CBX6: variants seen among roughly 807,000 people sequenced by gnomAD.
CBX6 encodes the protein chromobox 6.
CBX6 carries 7 observed loss-of-function variants against 28.4 expected under a neutral mutation model. That is an observed-to-expected ratio of 0.25 (90% CI 0.14 to 0.46). The LOEUF (loss-of-function observed/expected upper bound fraction) is 0.46. Ranked by LOEUF, CBX6 falls within the 20% of genes least tolerant of loss-of-function variation. The probability of loss-of-function intolerance (pLI) is 0.99; values close to 1 mark genes in which losing one functional copy is unlikely to be tolerated. For missense variants in CBX6, 512 were observed against 606.1 expected (o/e 0.84, Z 1.63); for synonymous variants, 297 against 273.4 (o/e 1.09, Z -0.85).
rs766644076 is a variant in CBX6, at chr22:38,871,451, G to A, written c.246+29C>T. On this transcript the variant is annotated intron_variant, in intron 4 of 4. Transcript: ENST00000407418. This position sits in a 1 kb window ranked among gnomAD's most constrained non-coding sequence, Gnocchi z 5.6. ...GTGCCGGGGCTGGGGGCCCGAGAGGGGGATGCTGCTGGGGCTGGGCCAGGT... is the reference window on the plus strand; with the variant it reads ...GTGCCGGGGCTGGGGGCCCGAGAGGAGGATGCTGCTGGGGCTGGGCCAGGT... 8 of 1,588,352 alleles carry A rather than the reference G, an allele frequency of 5.0e-6. No individual in the cohort carries two copies. Among genetic ancestry groups the A allele is most frequent in the East Asian group, 4.5e-5 (2 of 44,580 alleles).
Position 38,863,528 on chromosome 22 carries a change from G to A in CBX6, c.*2681C>T, listed in dbSNP as rs1343494469. ...TGGGAGGCGGGGGTACTAGAGAGGG[G>A]AGGAAGGAGGCTCCACTCACCCTCG... On this transcript the variant is annotated 3_prime_UTR_variant, in exon 5 of 5. Coordinates refer to ENST00000407418, the MANE Select transcript of CBX6 (RefSeq NM_014292.5). 2.0e-3 allele frequency: 2 copies of A among 1,022 alleles called. No individual in the cohort carries two copies. Among genetic ancestry groups the A allele is most frequent in the Admixed American group, 0.03 (2 of 66 alleles). The allele number at this position is 1,022 out of a possible 1,614,324, so 0.1% of individuals were successfully genotyped here.
At position 38,866,639 on chromosome 22, in the gene CBX6, G is replaced by A. The variant is rs1482075123; in HGVS notation, c.809C>T (p.Ala270Val). The change falls in exon 5 of 5, where the codon GCC (alanine) becomes GTC (valine). Residue 270 changes from alanine to valine, a missense_variant. Physicochemically the swap from Ala to Val is moderately conservative, Grantham distance 64. This residue lies in a region of CBX6 where 290 missense variants were observed against 274.1 expected (regional missense o/e 1.06). Coordinates refer to ENST00000407418, the MANE Select transcript of CBX6 (RefSeq NM_014292.5). This position sits in a 1 kb window ranked among gnomAD's most constrained non-coding sequence, Gnocchi z 7.5. The stretch of plus-strand genomic sequence containing the variant: ...GCAGCCGGAGGAGCCAGAGCTGCGG[G>A]CGTCGTAGGGGGCGGCGGGGGCGGC... ...LLAAPAAPYDARSSGSSGCPS... is the reference protein window; with the variant it reads ...LLAAPAAPYDVRSSGSSGCPS... The A allele has an allele frequency of 3.3e-6, 5 of 1,529,904 alleles. No individual in the cohort carries two copies. Among genetic ancestry groups the A allele is most frequent in the Non-Finnish European group, 4.4e-6 (5 of 1,143,848 alleles). The allele number at this position is 1,529,904 out of a possible 1,614,324, so 94.8% of individuals were successfully genotyped here.
Position 38,870,689 on chromosome 22 carries a change from C to T in CBX6, c.246+791G>A, listed in dbSNP as rs2093180109. 6.6e-6 allele frequency: 1 copy of T among 152,248 alleles called. No individual in the cohort carries two copies. The highest frequency in any genetic ancestry group is 6.5e-5 in the Admixed American group (1 of 15,286). 9.4% of individuals were successfully genotyped at this position (152,248 alleles called of 1,614,324 possible). A position where few individuals can be genotyped will look rare whatever the true frequency, so the allele number is the denominator to read the frequency against. On this transcript the variant is annotated intron_variant, in intron 4 of 4. Transcript: ENST00000407418. The surrounding 1 kb of genome is among the most constrained non-coding windows in gnomAD (Gnocchi z 4.3). ...GTAGCACTACAGGAAGACAGGGGGC[C>T]CACTGAGTCCCACCTGCAGCCGTGC...
At chr22:38,869,036 G>A (rs1337537869) in intron 4 of CBX6, among the ~76,000 whole-genome samples, 1 of 152,202 alleles carries the variant, frequency 6.6e-6, no homozygotes, top group Non-Finnish European at 1.5e-5. Context: ...CCGCCACTAG[G>A]TGGCAGCACA....
chr22:38,871,906 T>C lies in CBX6; in HGVS notation c.109A>G (p.Ile37Val). The C allele has an allele frequency of 6.6e-7, 1 of 1,523,724 alleles. No homozygotes were observed. The highest frequency in any genetic ancestry group is 8.8e-7 in the Non-Finnish European group (1 of 1,132,624). 94.4% of individuals were successfully genotyped at this position (1,523,724 alleles called of 1,614,324 possible). A position where few individuals can be genotyped will look rare whatever the true frequency, so the allele number is the denominator to read the frequency against. The part of the protein sequence containing the change: ...EYLVKWKGWA[I>V]KYSTWEPEEN... ...CCCGGACCCCGCGACACTCACTTGA[T>C]CGCCCACCCCTTCCATTTCACCAGG... is the stretch of plus-strand genomic sequence containing the variant. Residue 37 changes from isoleucine to valine, a missense_variant, in exon 2 of 5, where the codon ATC becomes GTC. By Grantham distance (29) the Ile-to-Val change is conservative. This residue lies in a region of CBX6 where 20 missense variants were observed against 70.3 expected (regional missense o/e 0.28). Coordinates refer to ENST00000407418, the MANE Select transcript of CBX6 (RefSeq NM_014292.5). This position sits in a 1 kb window ranked among gnomAD's most constrained non-coding sequence, Gnocchi z 5.6.
chr22:38,867,247 G>T, intron 4 of CBX6, 46 bp from the exon 5 acceptor site: 4 of 1,506,060 alleles, frequency 2.7e-6, no homozygotes, highest in South Asian at 1.3e-5. Flanking sequence ...ACTGCCCGCT[G>T]ACCTCCCCTG....
rs897861709 is a variant in CBX6 at position 38,870,286 on chromosome 22, A to G, written c.246+1194T>C. The G allele has an allele frequency of 6.6e-6, 1 of 152,244 alleles. No individual in the cohort carries two copies. The highest frequency in any genetic ancestry group is 1.5e-5 in the Non-Finnish European group (1 of 68,056). 9.4% of individuals were successfully genotyped at this position (152,244 alleles called of 1,614,324 possible). ...ACTGTTGAAAGAATTAAAGGAGATA[A>G]TCCATGTGGGGGCTCAGCCCTGTAT... is the stretch of plus-strand genomic sequence containing the variant. On this transcript the variant is annotated intron_variant, in intron 4 of 4. Coordinates refer to ENST00000407418, the MANE Select transcript of CBX6 (RefSeq NM_014292.5). This position sits in a 1 kb window ranked among gnomAD's most constrained non-coding sequence, Gnocchi z 4.3.
In CBX6 at chr22:38,864,149, T is replaced by C. The variant is rs1353525009; in HGVS notation, c.*2060A>G. On this transcript the variant is annotated 3_prime_UTR_variant, in exon 5 of 5. Coordinates refer to ENST00000407418, the MANE Select transcript of CBX6 (RefSeq NM_014292.5). ...CACCTCACCTGTGCAATCACTGCGT[T>C]ACTATTTTTTCTTAAATAGCTCTTT... The C allele has an allele frequency of 6.6e-6, 1 of 151,926 alleles. No individual in the cohort carries two copies. The highest frequency in any genetic ancestry group is 2.4e-5 in the African/African-American group (1 of 41,344). The allele number at this position is 151,926 out of a possible 1,614,324, so 9.4% of individuals were successfully genotyped here. A position where few individuals can be genotyped will look rare whatever the true frequency, so the allele number is the denominator to read the frequency against.
intron 4 of CBX6, among the ~76,000 whole-genome samples, chr22:38,868,252 C>T (rs1455914434): frequency 1.3e-5 from 2 of 152,238 alleles, no homozygotes; most frequent in African/African-American, 4.8e-5. Context: ...GTTACAGCTG[C>T]ACACGCACAG....
chr22:38,871,636 G>A lies in CBX6; in HGVS notation c.179+56C>T, dbSNP rs1350997276. On this transcript the variant is annotated intron_variant, in intron 3 of 4. Transcript: ENST00000407418. The surrounding 1 kb of genome is among the most constrained non-coding windows in gnomAD (Gnocchi z 5.6). Reference sequence around the variant, plus strand: ...CCCCGGCTCTCCCGCTTCCCCGCGCGGCGCCCCAGCCGAGCCTCGGCCTCG... The same window carrying A: ...CCCCGGCTCTCCCGCTTCCCCGCGCAGCGCCCCAGCCGAGCCTCGGCCTCG... 28 of 1,610,876 alleles carry A rather than the reference G, an allele frequency of 1.7e-5. No homozygotes were observed. The highest frequency in any genetic ancestry group is 1.7e-4 in the Middle Eastern group (1 of 5,970).
Position 38,871,742 on chromosome 22 carries a change from C to T in CBX6, c.129G>A (p.Glu43=), listed in dbSNP as rs758098522. 56 of 1,611,212 alleles carry T rather than the reference C, an allele frequency of 3.5e-5. No homozygotes were observed. The highest frequency in any genetic ancestry group is 4.7e-5 in the Non-Finnish European group (55 of 1,178,562). Residue 43 remains glutamate (E), a synonymous_variant, in exon 3 of 5, where the codon GAG becomes GAA. Coordinates refer to ENST00000407418, the MANE Select transcript of CBX6 (RefSeq NM_014292.5). The surrounding 1 kb of genome is among the most constrained non-coding windows in gnomAD (Gnocchi z 5.6). The part of the protein sequence containing the change: ...KGWAIKYSTW[E]PEENILDSRL... The stretch of plus-strand genomic sequence containing the variant: ...GCGAGTCCAGGATGTTCTCCTCGGG[C>T]TCCCAAGTGCTGTACCTGCCGAGTC...
rs1309190705 is a variant in CBX6 at position 38,871,250 on chromosome 22, A to G, written c.246+230T>C. On this transcript the variant is annotated intron_variant, in intron 4 of 4. Transcript: ENST00000407418. This position sits in a 1 kb window ranked among gnomAD's most constrained non-coding sequence, Gnocchi z 5.6. Reference sequence around the variant, plus strand: ...GGCATCCCCAGCCCCTGGTTTCAACAGGGAGGATTATCCCCAGTCCCAAAA... The same window carrying G: ...GGCATCCCCAGCCCCTGGTTTCAACGGGGAGGATTATCCCCAGTCCCAAAA... 2 of 606,736 alleles carry G rather than the reference A, an allele frequency of 3.3e-6. No individual in the cohort carries two copies. The highest frequency in any genetic ancestry group is 5.8e-6 in the Non-Finnish European group (2 of 344,536). 37.6% of individuals were successfully genotyped at this position (606,736 alleles called of 1,614,324 possible).
In CBX6 at chr22:38,866,655, C is replaced by T. The variant is rs753202824; in HGVS notation, c.793G>A (p.Ala265Thr). ...PGPGLLLAAP[A>T]APYDARSSGS... ...GAGCTGCGGGCGTCGTAGGGGGCGG[C>T]GGGGGCGGCCAGAAGTAGCCCAGGG... Residue 265 changes from alanine to threonine, a missense_variant, in exon 5 of 5, where the codon GCC becomes ACC. By Grantham distance (58) the Ala-to-Thr change is moderately conservative. This residue lies in a region of CBX6 where 290 missense variants were observed against 274.1 expected (regional missense o/e 1.06). Transcript: ENST00000407418. This position sits in a 1 kb window ranked among gnomAD's most constrained non-coding sequence, Gnocchi z 7.5. The T allele has an allele frequency of 8.0e-6, 9 of 1,123,396 alleles. No homozygotes were observed. Among genetic ancestry groups the T allele is most frequent in the South Asian group, 3.8e-5 (2 of 53,252 alleles). 69.6% of individuals were successfully genotyped at this position (1,123,396 alleles called of 1,614,324 possible).
rs754086647 is a variant in CBX6, at chr22:38,866,320, G to A, written c.1128C>T (p.Asn376=). ...ATTCCTTGATTGTGACCGTCAGGAG[G>A]TTGCTGGTGACATCGGTGACGACCA... The part of the protein sequence containing the change: ...SNVVVTDVTS[N]LLTVTIKEFC... Residue 376 remains asparagine (N), a synonymous_variant, in exon 5 of 5, where the codon AAC becomes AAT. Coordinates refer to ENST00000407418, the MANE Select transcript of CBX6 (RefSeq NM_014292.5). This position sits in a 1 kb window ranked among gnomAD's most constrained non-coding sequence, Gnocchi z 7.5. The A allele has an allele frequency of 1.6e-5, 26 of 1,614,008 alleles. No homozygotes were observed. In the East Asian group the frequency reaches 5.1e-4, roughly 32 times the overall value.
In CBX6 at chr22:38,866,469, G is replaced by C. The variant is rs901396555; in HGVS notation, c.979C>G (p.Arg327Gly). ...GCAGCTGTGACCTCAGGCGGTGCCC[G>C]CTTGCTGGTGGCTGCCGACTCGGGA... ...LPPESAATSK[R>G]APPEVTAAAG... The change falls in exon 5 of 5, where the codon CGG (arginine) becomes GGG (glycine). Residue 327 changes from arginine to glycine, a missense_variant. Around this residue, in one of 7 missense-constraint regions of CBX6, gnomAD observed 290 missense variants for 274.1 expected, o/e 1.06. Coordinates refer to ENST00000407418, the MANE Select transcript of CBX6 (RefSeq NM_014292.5). This position sits in a 1 kb window ranked among gnomAD's most constrained non-coding sequence, Gnocchi z 7.5. The C allele has an allele frequency of 6.2e-7, 1 of 1,602,678 alleles. No individual in the cohort carries two copies. The highest frequency in any genetic ancestry group is 1.3e-5 in the African/African-American group (1 of 74,986).
chr22:38,870,794 C>T lies in CBX6; in HGVS notation c.246+686G>A, dbSNP rs2093180274. The T allele has an allele frequency of 6.6e-6, 1 of 152,238 alleles. No individual in the cohort carries two copies. The highest frequency in any genetic ancestry group is 1.5e-5 in the Non-Finnish European group (1 of 68,056). 9.4% of individuals were successfully genotyped at this position (152,238 alleles called of 1,614,324 possible). On this transcript the variant is annotated intron_variant, in intron 4 of 4. Coordinates refer to ENST00000407418, the MANE Select transcript of CBX6 (RefSeq NM_014292.5). The surrounding 1 kb of genome is among the most constrained non-coding windows in gnomAD (Gnocchi z 4.3). ...AAAATAAAATAAAAACCCAAATCCT[C>T]CAAGATGGCTTCCTCTGGAAGTTCT...
At position 38,866,886 on chromosome 22, in the gene CBX6, C is replaced by T. The variant is rs764021364; in HGVS notation, c.562G>A (p.Gly188Arg). 18 of 1,595,480 alleles carry T rather than the reference C, an allele frequency of 1.1e-5. No individual in the cohort carries two copies. The highest frequency in any genetic ancestry group is 1.7e-4 in the Middle Eastern group (1 of 6,000). The stretch of plus-strand genomic sequence containing the variant: ...GCCCCGGCCCCCTGCCCGGCGCCCC[C>T]GCCGCCAGCGCCCTTGTCGATCACC... ...LKVIDKGAGGGGAGQGAGALA... is the reference protein window; with the variant it reads ...LKVIDKGAGGRGAGQGAGALA... Residue 188 changes from glycine to arginine, a missense_variant, in exon 5 of 5, where the codon GGG becomes AGG. Physicochemically the swap from Gly to Arg is moderately radical, Grantham distance 125. This residue lies in a region of CBX6 where 290 missense variants were observed against 274.1 expected (regional missense o/e 1.06). Transcript: ENST00000407418. This position sits in a 1 kb window ranked among gnomAD's most constrained non-coding sequence, Gnocchi z 7.5.
chr22:38,869,995 C>T (rs1160612292), intron 4 of CBX6: 5 of 152,288 alleles, frequency 3.3e-5, no homozygotes, highest in Non-Finnish European at 4.4e-5. Flanking sequence ...ATCCACATCA[C>T]TCTCAGGCTA....
rs1015162129 is a variant in CBX6, at chr22:38,867,311, G to T, written c.247-110C>A. On this transcript the variant is annotated intron_variant, in intron 4 of 4. Coordinates refer to ENST00000407418, the MANE Select transcript of CBX6 (RefSeq NM_014292.5). ...AGAGCCTCTCAGCCAGCGATCCCGA[G>T]ATCATTTAAGATAATCACTGGTCTT... 3.3e-6 allele frequency: 3 copies of T among 915,176 alleles called. No individual in the cohort carries two copies. The African/African-American group carries it at 5.0e-5, about 15-fold the overall frequency. 56.7% of individuals were successfully genotyped at this position (915,176 alleles called of 1,614,324 possible).
Sources: gnomAD v4.1 joint callset for allele counts (sites outside exome capture counted in the v4.1 genomes callset) on GRCh38, gnomAD v4.1.1 for gene constraint, gnomAD v4.1.1 regional missense constraint, Gnocchi (gnomAD v3.1) non-coding constraint, MANE v1.5 for transcripts, NCBI Gene and HGNC (gene_info 2026-07-23, HGNC 2026-07-21) for gene names.